Variants in TCF7L1 observed in about 807,000 individuals in gnomAD.
TCF7L1 encodes transcription factor 7-like 1.
In TCF7L1, 18 loss-of-function variants were observed where a neutral mutation model predicts 63.7. That is an observed-to-expected ratio of 0.28 (90% confidence interval 0.20 to 0.42). The LOEUF (loss-of-function observed/expected upper bound fraction) is 0.42, where lower values mean the gene tolerates loss of function less well. Ranked by LOEUF, TCF7L1 falls within the 10% of genes least tolerant of loss-of-function variation. The probability of loss-of-function intolerance (pLI) is 1.00; values close to 1 mark genes in which losing one functional copy is unlikely to be tolerated. For synonymous variants in TCF7L1, 355 were observed against 340.9 expected (o/e 1.04, Z -0.46); for missense variants, 654 against 779.3 (o/e 0.84, Z 1.91).
chr2:85,250,530 G>A (rs1417905025), intron 3 of TCF7L1, among the ~76,000 whole-genome samples: 3 of 151,846 alleles, frequency 2.0e-5, no homozygotes, highest in African/African-American at 4.8e-5. Context: ...TCCACCTCCC[G>A]GGTTCAAGCG....
intron 3 of TCF7L1, among the ~76,000 whole-genome samples, chr2:85,206,789 A>G (rs1194810918): frequency 1.3e-5 from 2 of 152,224 alleles, no homozygotes; most frequent in African/African-American, 2.4e-5. Context: ...TGTTGCACAT[A>G]CTATAATTTT....
chr2:85,171,844 T>A (rs1039326573), intron 3 of TCF7L1, among the ~76,000 whole-genome samples: 1 of 152,282 alleles, frequency 6.6e-6, no homozygotes, highest in African/African-American at 2.4e-5. Flanking sequence ...ATGTAGAGTT[T>A]ACCGTGTACA....
chr2:85,242,471 C>G (rs1184536673), intron 3 of TCF7L1, among the ~76,000 whole-genome samples: 1 of 152,258 alleles, frequency 6.6e-6, no homozygotes, highest in African/African-American at 2.4e-5. Context: ...AGCCTGACCA[C>G]AGCCGTTATG....
intron 3 of TCF7L1, among the ~76,000 whole-genome samples, chr2:85,230,116 A>G (rs543378524): frequency 3.3e-5 from 5 of 152,346 alleles, no homozygotes; most frequent in African/African-American, 1.2e-4. Flanking sequence ...ATACTGAGGT[A>G]CAATTTGGTG....
Position 85,153,340 on chromosome 2 carries a change from A to ATTTTTTTTTTTTTTTTTTTTTTTT in TCF7L1, c.441+18909_441+18910insTTTTTTTTTTTTTTTTTTTTTTTT, listed in dbSNP as rs66697146. Among the ~76,000 whole-genome samples the ATTTTTTTTTTTTTTTTTTTTTTTT allele has an allele frequency of 2.1e-4, 21 of 102,268 alleles. 2 individuals carry two copies. The highest frequency in any genetic ancestry group is 7.2e-4 in the African/African-American group (17 of 23,752). The allele number at this position is 102,268 out of a possible 152,430, so 67.1% of individuals were successfully genotyped here. A position where few individuals can be genotyped will look rare whatever the true frequency, so the allele number is the denominator to read the frequency against. On this transcript the variant is annotated intron_variant, in intron 3 of 11. Coordinates refer to ENST00000282111, the MANE Select transcript of TCF7L1 (RefSeq NM_031283.3). ...TTCATGATCTTGCTAGCCTTTATAA[A>ATTTTTTTTTTTTTTTTTTTTTTTT]TTTTTTTTTTTTTTTTTTTGAGATG... is the stretch of plus-strand genomic sequence containing the variant.
intron 3 of TCF7L1, among the ~76,000 whole-genome samples, chr2:85,260,193 C>T (rs566205881): frequency 1.3e-5 from 2 of 152,318 alleles, no homozygotes; most frequent in African/African-American, 4.8e-5. Flanking sequence ...AAATGATGAT[C>T]ATAGCTGATA....
chr2:85,308,242 C>T (rs188593337), intron 11 of TCF7L1, among the ~76,000 whole-genome samples: 42 of 152,174 alleles, frequency 2.8e-4, no homozygotes, highest in Non-Finnish European at 4.4e-4. Context: ...CACACTGTGA[C>T]GATTATTATT....
chr2:85,220,890 G>A (rs968052214), intron 3 of TCF7L1, among the ~76,000 whole-genome samples: 5 of 152,184 alleles, frequency 3.3e-5, no homozygotes, highest in Non-Finnish European at 1.5e-5. Flanking sequence ...CCAGTGCTCA[G>A]ATTATATTCA....
intron 3 of TCF7L1, among the ~76,000 whole-genome samples, chr2:85,140,875 A>G (rs1428544553): frequency 6.6e-6 from 1 of 150,990 alleles, no homozygotes; most frequent in South Asian, 2.1e-4. Flanking sequence ...GGAAGAAAGA[A>G]TCCAGCCTGG....
intron 3 of TCF7L1, among the ~76,000 whole-genome samples, chr2:85,143,528 C>A (rs1266042943): frequency 1.3e-5 from 2 of 152,202 alleles, no homozygotes; most frequent in Non-Finnish European, 2.9e-5. Context: ...TTCTAACCTG[C>A]TAAGAAGTAG....
At chr2:85,209,451 C>T (rs576479216) in intron 3 of TCF7L1, among the ~76,000 whole-genome samples, 1 of 152,354 alleles carries the variant, frequency 6.6e-6, no homozygotes, top group East Asian at 1.9e-4. Flanking sequence ...GCTGCTTTTC[C>T]TGTGGTCTGC....
rs1682224138 is a variant in TCF7L1, at chr2:85,309,469, C to G, written c.*7C>G. ...CACCAAGTCTGCCCACTAAGCTCCC[C>G]CCGACCCCTGCAGGCTGTCACATGA... On this transcript the variant is annotated 3_prime_UTR_variant, in exon 12 of 12. Coordinates refer to ENST00000282111, the MANE Select transcript of TCF7L1 (RefSeq NM_031283.3). 2.0e-6 allele frequency: 3 copies of G among 1,518,720 alleles called. No individual in the cohort carries two copies. Among genetic ancestry groups the G allele is most frequent in the Non-Finnish European group, 2.6e-6 (3 of 1,135,138 alleles). The allele number at this position is 1,518,720 out of a possible 1,614,324, so 94.1% of individuals were successfully genotyped here.
In TCF7L1 at chr2:85,284,639, G is replaced by A. The variant is rs545963010; in HGVS notation, c.525+1061G>A. ...CCCCACAAGCTAACTGGTGCTCGCC[G>A]ACTGTACAGTGAGCCTCAGAATCAG... is the stretch of plus-strand genomic sequence containing the variant. On this transcript the variant is annotated intron_variant, in intron 4 of 11. Coordinates refer to ENST00000282111, the MANE Select transcript of TCF7L1 (RefSeq NM_031283.3). Among the ~76,000 whole-genome samples, 10 of 152,274 alleles carry A rather than the reference G, an allele frequency of 6.6e-5. No individual in the cohort carries two copies. In the East Asian group the frequency reaches 1.2e-3, roughly 18 times the overall value.
intron 10 of TCF7L1, among the ~76,000 whole-genome samples, chr2:85,307,216 G>A (rs952241152): frequency 6.6e-6 from 1 of 152,164 alleles, no homozygotes; most frequent in African/African-American, 2.4e-5. Context: ...CAGGGGGCGT[G>A]TCTCTAAGCT....
intron 3 of TCF7L1, among the ~76,000 whole-genome samples, chr2:85,227,541 A>C (rs1679986185): frequency 1.3e-5 from 2 of 152,008 alleles, no homozygotes; most frequent in South Asian, 4.2e-4. Context: ...GGGTGGGGGG[A>C]CAAGCTCACC....
At chr2:85,236,377 G>A (rs963203158) in intron 3 of TCF7L1, among the ~76,000 whole-genome samples, 1 of 152,132 alleles carries the variant, frequency 6.6e-6, no homozygotes, top group Non-Finnish European at 1.5e-5. Context: ...GACATCACAG[G>A]CAAAATCAGG....
chr2:85,159,569 T>G (rs1244497279), intron 3 of TCF7L1, among the ~76,000 whole-genome samples: 2 of 152,246 alleles, frequency 1.3e-5, no homozygotes, highest in African/African-American at 4.8e-5. Flanking sequence ...AGGTTGGCAG[T>G]TCCTGGTGCC....
At chr2:85,289,280 C>CA (rs1279787317) in intron 4 of TCF7L1, among the ~76,000 whole-genome samples, 1 of 150,888 alleles carries the variant, frequency 6.6e-6, no homozygotes, top group Non-Finnish European at 1.5e-5. Flanking sequence ...CTCTGATGAC[C>CA]AAAATGCTTC....
In TCF7L1 at chr2:85,146,235, G is replaced by A. The variant is rs544086640; in HGVS notation, c.441+11785G>A. On this transcript the variant is annotated intron_variant, in intron 3 of 11. Coordinates refer to ENST00000282111, the MANE Select transcript of TCF7L1 (RefSeq NM_031283.3). ...TTATCACCTCGATTTTATCCTTGAGGAAGCCAAGACTTTGACAGTAAACCA... is the reference window on the plus strand; with the variant it reads ...TTATCACCTCGATTTTATCCTTGAGAAAGCCAAGACTTTGACAGTAAACCA... Among the ~76,000 whole-genome samples, 105 of 152,228 alleles carry A rather than the reference G, an allele frequency of 6.9e-4. 1 individual carries two copies. Among genetic ancestry groups the A allele is most frequent in the Middle Eastern group, 3.4e-3 (1 of 294 alleles).
Sources: gnomAD v4.1 joint callset for allele counts (sites outside exome capture counted in the v4.1 genomes callset) on GRCh38, gnomAD v4.1.1 for gene constraint, MANE v1.5 for transcripts, NCBI Gene and HGNC (gene_info 2026-07-23, HGNC 2026-07-21) for gene names.